CCDC178: variants seen among roughly 807,000 people sequenced by gnomAD.
CCDC178 encodes the protein coiled-coil domain-containing protein 178.
Under a neutral mutation model 117.4 loss-of-function variants are expected in CCDC178, and 126 were observed. That is an observed-to-expected ratio of 1.07 (90% CI 0.93 to 1.24). CCDC178 has a LOEUF of 1.24. Ranked by LOEUF, CCDC178 falls within the 50% of genes most tolerant of loss-of-function variation. The probability of loss-of-function intolerance (pLI) is 0.00; values close to 1 mark genes in which losing one functional copy is unlikely to be tolerated. For synonymous variants in CCDC178, 283 were observed against 313.4 expected (o/e 0.90, Z 1.02); for missense variants, 1,030 against 986.9 (o/e 1.04, Z -0.59).
intron 20 of CCDC178, among the ~76,000 whole-genome samples, chr18:33,170,527 A>G (rs1384291289): frequency 6.6e-6 from 1 of 152,192 alleles, no homozygotes; most frequent in East Asian, 1.9e-4. Flanking sequence ...GGTGTTATAT[A>G]TACAGCATAA....
intron 21 of CCDC178, among the ~76,000 whole-genome samples, chr18:33,069,277 G>A (rs938577771): frequency 6.6e-6 from 1 of 151,976 alleles, no homozygotes; most frequent in Non-Finnish European, 1.5e-5. Flanking sequence ...GGATTTTAAA[G>A]TATACTACAA....
intron 21 of CCDC178, among the ~76,000 whole-genome samples, chr18:33,089,201 T>C (rs187804981): frequency 6.6e-6 from 1 of 152,196 alleles, no homozygotes; most frequent in East Asian, 1.9e-4. Context: ...AATTTACATG[T>C]TTTTTTCAAA....
intron 22 of CCDC178, among the ~76,000 whole-genome samples, chr18:32,942,509 C>G (rs185671517): frequency 6.6e-6 from 1 of 151,872 alleles, no homozygotes; most frequent in Admixed American, 6.6e-5. Flanking sequence ...TAAGTCAGAG[C>G]ACAAGAGAGT....
At chr18:33,159,248 A>T (rs2058436478) in intron 20 of CCDC178, among the ~76,000 whole-genome samples, 1 of 152,118 alleles carries the variant, frequency 6.6e-6, no homozygotes, top group Non-Finnish European at 1.5e-5. Flanking sequence ...ATGTCATATA[A>T]TTCCTCTTTC....
intron 2 of CCDC178, among the ~76,000 whole-genome samples, chr18:33,438,640 C>T (rs531144762): frequency 3.0e-4 from 45 of 152,070 alleles, no homozygotes; most frequent in African/African-American, 1.0e-3. Flanking sequence ...CAACCATCTG[C>T]TTGTAGATGT....
intron 20 of CCDC178, among the ~76,000 whole-genome samples, chr18:33,189,114 A>C (rs2058828788): frequency 6.6e-6 from 1 of 152,160 alleles, no homozygotes; most frequent in Admixed American, 6.5e-5. Flanking sequence ...GAAATGCAGG[A>C]GTTTCTTTGG....
At chr18:33,373,090 A>G (rs1283290414) in intron 5 of CCDC178, among the ~76,000 whole-genome samples, 4 of 152,198 alleles carry the variant, frequency 2.6e-5, no homozygotes, top group Non-Finnish European at 1.5e-5. Flanking sequence ...AACATAAAGC[A>G]TCTTTAATCT....
chr18:33,332,815 T>C (rs1004517467), intron 10 of CCDC178, among the ~76,000 whole-genome samples: 2 of 152,164 alleles, frequency 1.3e-5, no homozygotes, highest in African/African-American at 4.8e-5. Flanking sequence ...GGTTTCACCA[T>C]GTTACTCTGG....
chr18:33,111,297 C>T (rs1182466049), intron 20 of CCDC178, among the ~76,000 whole-genome samples: 2 of 151,282 alleles, frequency 1.3e-5, no homozygotes, highest in Non-Finnish European at 3.0e-5. Flanking sequence ...TCTGTAAAGT[C>T]CTTTGGGTTA....
intron 22 of CCDC178, among the ~76,000 whole-genome samples, chr18:32,943,332 G>A (rs1341325298): frequency 2.0e-5 from 3 of 152,080 alleles, no homozygotes; most frequent in African/African-American, 2.4e-5. Context: ...AATTTCACAC[G>A]AATTCCCTGT....
At chr18:33,102,986 C>T (rs938141193) in intron 20 of CCDC178, among the ~76,000 whole-genome samples, 4 of 151,804 alleles carry the variant, frequency 2.6e-5, no homozygotes, top group African/African-American at 9.7e-5. Context: ...GAAATATTTA[C>T]TGCCTGTTCC....
chr18:33,404,254 G>T (rs1264561860), intron 3 of CCDC178, among the ~76,000 whole-genome samples: 10 of 152,034 alleles, frequency 6.6e-5, no homozygotes, highest in Non-Finnish European at 2.9e-5. Flanking sequence ...CAACACTAAT[G>T]CAAGATGTTA....
chr18:33,317,144 C>G (rs1245002032), intron 11 of CCDC178, among the ~76,000 whole-genome samples: 3 of 152,088 alleles, frequency 2.0e-5, no homozygotes, highest in Admixed American at 2.0e-4. Context: ...TTCTTTCGCT[C>G]TTTGCAACAA....
chr18:33,140,376 T>C lies in CCDC178; in HGVS notation c.2239-47466A>G, dbSNP rs763455535. On this transcript the variant is annotated intron_variant, in intron 20 of 22. Transcript: ENST00000383096. ...GTGTGCCCGGAAAAGACACAGACAC[T>C]CAACAGCAGCCCATGAAAGCAGTTG... Among the ~76,000 whole-genome samples, 5 of 152,096 alleles carry C rather than the reference T, an allele frequency of 3.3e-5. No homozygotes were observed. In the South Asian group the frequency reaches 1.0e-3, roughly 32 times the overall value.
chr18:33,067,396 A>C (rs1192852024), intron 21 of CCDC178, among the ~76,000 whole-genome samples: 1 of 152,182 alleles, frequency 6.6e-6, no homozygotes, highest in Non-Finnish European at 1.5e-5. Flanking sequence ...GTCTATATCG[A>C]AAAAGTAGAA....
chr18:33,280,965 C>T (rs1045164815), intron 12 of CCDC178, among the ~76,000 whole-genome samples: 10 of 151,884 alleles, frequency 6.6e-5, no homozygotes, highest in South Asian at 2.1e-4. Context: ...GGGTGGGGCG[C>T]GGGGGAGCGA....
intron 22 of CCDC178, among the ~76,000 whole-genome samples, chr18:32,961,206 C>T (rs1427717901): frequency 1.3e-5 from 2 of 152,078 alleles, no homozygotes; most frequent in Non-Finnish European, 2.9e-5. Flanking sequence ...AAATCTCAAA[C>T]TATAATTATA....
chr18:33,155,101 TA>T (rs1179245071), intron 20 of CCDC178, among the ~76,000 whole-genome samples: 2 of 152,086 alleles, frequency 1.3e-5, no homozygotes, highest in African/African-American at 4.8e-5. Flanking sequence ...TTCACCTAAA[TA>T]GACAATAAAT....
At chr18:32,999,011 A>G (rs936255389) in intron 21 of CCDC178, among the ~76,000 whole-genome samples, 2 of 152,092 alleles carry the variant, frequency 1.3e-5, no homozygotes, top group Non-Finnish European at 2.9e-5. Context: ...GCCACAGTAG[A>G]GTAGACAAGT....
Sources: gnomAD v4.1 joint callset for allele counts (sites outside exome capture counted in the v4.1 genomes callset) on GRCh38, gnomAD v4.1.1 for gene constraint, MANE v1.5 for transcripts, NCBI Gene and HGNC (gene_info 2026-07-23, HGNC 2026-07-21) for gene names.